Variants in ZNF573 observed in about 807,000 individuals in gnomAD.
ZNF573 encodes zinc finger protein 573.
A neutral mutation model predicts 57.4 loss-of-function variants in ZNF573; 41 were observed. The ratio of observed to expected loss-of-function variants is 0.71; its 90% CI spans 0.56 to 0.93. The LOEUF is 0.93. Ranked by LOEUF, ZNF573 falls within the 40% of genes least tolerant of loss-of-function variation. The pLI, the probability that ZNF573 is intolerant of heterozygous loss-of-function variation, is 0.00. For synonymous variants in ZNF573, 249 were observed against 261.0 expected (o/e 0.95, Z 0.44); for missense variants, 730 against 794.8 (o/e 0.92, Z 0.98).
chr19:37,743,544 A>G (rs2045348419), intron 4 of ZNF573, among the ~76,000 whole-genome samples: 1 of 152,174 alleles, frequency 6.6e-6, no homozygotes, highest in South Asian at 2.1e-4. Context: ...GTTGGTGGGA[A>G]TGTAAATTAG....
chr19:37,745,264 A>G (rs1247791917), intron 4 of ZNF573, among the ~76,000 whole-genome samples: 1 of 151,948 alleles, frequency 6.6e-6, no homozygotes, highest in East Asian at 1.9e-4. Flanking sequence ...TTTGGTAGAG[A>G]TGAGGTTTCG....
chr19:37,756,111 C>T (rs1415268072), intron 4 of ZNF573, among the ~76,000 whole-genome samples: 5 of 152,164 alleles, frequency 3.3e-5, no homozygotes, highest in Non-Finnish European at 5.9e-5. Context: ...CTCCTATCTG[C>T]GAAGTGGGCA....
chr19:37,748,212 T>C (rs531425945), intron 4 of ZNF573, among the ~76,000 whole-genome samples: 1 of 152,298 alleles, frequency 6.6e-6, no homozygotes, highest in Admixed American at 6.5e-5. Flanking sequence ...ATGAGCTATA[T>C]GGAAAAACTG....
chr19:37,764,638 C>T (rs1382827911), intron 4 of ZNF573, among the ~76,000 whole-genome samples: 1 of 143,314 alleles, frequency 7.0e-6, no homozygotes, highest in African/African-American at 2.6e-5. Context: ...GTGTCTCGCT[C>T]TTTCACCCAG....
chr19:37,743,702 A>C (rs981465502), intron 4 of ZNF573, among the ~76,000 whole-genome samples: 19 of 152,340 alleles, frequency 1.2e-4, no homozygotes, highest in African/African-American at 4.1e-4. Flanking sequence ...CGTTTACTGC[A>C]GCACTATTTA....
At chr19:37,771,499 T>G in intron 3 of ZNF573, 65 bp downstream of exon 3, 1 of 1,542,644 alleles carries the variant, frequency 6.5e-7, no homozygotes, top group Non-Finnish European at 8.8e-7. Context: ...GCCTTGAAAT[T>G]CATTGTGTTG....
At chr19:37,748,966 A>G (rs1454191133) in intron 4 of ZNF573, among the ~76,000 whole-genome samples, 3 of 151,716 alleles carry the variant, frequency 2.0e-5, no homozygotes, top group Non-Finnish European at 4.4e-5. Flanking sequence ...ACCTAAATGC[A>G]ATGTATGAAT....
rs1380812851 is a variant in ZNF573 at position 37,771,584 on chromosome 19, T to C, written c.182A>G (p.Tyr61Cys). 2.5e-6 allele frequency: 4 copies of C among 1,609,918 alleles called. No homozygotes were observed. Among genetic ancestry groups the C allele is most frequent in the Non-Finnish European group, 3.4e-6 (4 of 1,178,304 alleles). Residue 61 changes from tyrosine to cysteine, a missense_variant, in exon 3 of 5, where the codon TAT becomes TGT. Physicochemically the swap from Tyr to Cys is radical, Grantham distance 194. Transcript: ENST00000536220. ...CTTACCCAGTGATACCAGGTTTCTATAGTTCTCCAACATCACATCCCTGTA... is the reference window on the plus strand; with the variant it reads ...CTTACCCAGTGATACCAGGTTTCTACAGTTCTCCAACATCACATCCCTGTA... The part of the protein sequence containing the change: ...DLYRDVMLEN[Y>C]RNLVSLGGHS...
intron 4 of ZNF573, among the ~76,000 whole-genome samples, chr19:37,748,518 A>T (rs1301722827): frequency 6.6e-6 from 1 of 152,228 alleles, no homozygotes; most frequent in Non-Finnish European, 1.5e-5. Flanking sequence ...TCTTACTCTA[A>T]TCATGAGGGG....
intron 4 of ZNF573, among the ~76,000 whole-genome samples, chr19:37,747,964 G>C (rs1162692019): frequency 6.6e-6 from 1 of 152,150 alleles, no homozygotes; most frequent in Non-Finnish European, 1.5e-5. Context: ...GGGATTACAG[G>C]CATGAGCCAC....
chr19:37,756,087 G>GA, intron 4 of ZNF573, among the ~76,000 whole-genome samples: 1 of 152,308 alleles, frequency 6.6e-6, no homozygotes, highest in Non-Finnish European at 1.5e-5. Context: ...CTGATACTGT[G>GA]AAAAGGCTGT....
Position 37,738,818 on chromosome 19 carries a change from C to T in ZNF573, c.1672G>A (p.Glu558Lys). ...HTDEKPFECKECGKTFRRSSH... is the reference protein window; with the variant it reads ...HTDEKPFECKKCGKTFRRSSH... ...CTACGTCTAAAGGTCTTCCCACATT[C>T]CTTACATTCAAAAGGTTTCTCATCA... Residue 558 changes from glutamate to lysine, a missense_variant, in exon 5 of 5, where the codon GAA (glutamate) becomes AAA (lysine). Transcript: ENST00000536220. 1 of 1,613,640 alleles carries T rather than the reference C, an allele frequency of 6.2e-7. No individual in the cohort carries two copies. Among genetic ancestry groups the T allele is most frequent in the East Asian group, 2.2e-5 (1 of 44,862 alleles).
chr19:37,760,593 G>A (rs180924430), intron 4 of ZNF573, among the ~76,000 whole-genome samples: 180 of 152,162 alleles, frequency 1.2e-3, no homozygotes, highest in African/African-American at 4.1e-3. Flanking sequence ...GGAGGCCGCG[G>A]CGGGCAGATC....
intron 3 of ZNF573, among the ~76,000 whole-genome samples, 198 bp downstream of exon 3, chr19:37,771,366 G>A (rs1220112575): frequency 6.6e-6 from 1 of 152,144 alleles, no homozygotes; most frequent in Non-Finnish European, 1.5e-5. Context: ...AGGAGAATAT[G>A]TGACTATCTC....
At chr19:37,773,572 C>T (rs956501491) in intron 2 of ZNF573, 89 bp downstream of exon 2, 4 of 955,976 alleles carry the variant, frequency 4.2e-6, no homozygotes, top group African/African-American at 1.6e-5. Flanking sequence ...CTGAAGGAGG[C>T]CTTCTTAAAT....
intron 2 of ZNF573, among the ~76,000 whole-genome samples, chr19:37,772,631 T>C (rs2145333506): frequency 6.6e-6 from 1 of 151,902 alleles, no homozygotes; most frequent in East Asian, 1.9e-4. Context: ...CGTGTACATT[T>C]TTTAAATCTT....
At chr19:37,767,838 A>G (rs2145323304) in intron 4 of ZNF573, among the ~76,000 whole-genome samples, 1 of 152,358 alleles carries the variant, frequency 6.6e-6, no homozygotes, top group East Asian at 1.9e-4. Flanking sequence ...AGATGAAGAC[A>G]AAACTTAGAG....
intron 4 of ZNF573, chr19:37,740,656 T>A (rs1273639064): frequency 2.2e-6 from 1 of 452,654 alleles, no homozygotes; most frequent in Non-Finnish European, 4.4e-6. Flanking sequence ...AGGTCTCATG[T>A]CAAAACATCA....
intron 4 of ZNF573, among the ~76,000 whole-genome samples, chr19:37,749,461 T>G (rs930884669): frequency 5.9e-5 from 9 of 152,016 alleles, no homozygotes; most frequent in Non-Finnish European, 4.4e-5. Context: ...AATAGTAGGT[T>G]TATATCCATT....
Sources: allele counts gnomAD v4.1 joint callset (sites outside exome capture counted in the v4.1 genomes callset), GRCh38; gene constraint gnomAD v4.1.1; transcripts MANE v1.5; gene names NCBI Gene and HGNC (gene_info 2026-07-23, HGNC 2026-07-21).